CFAP20: variants seen among roughly 807,000 people sequenced by gnomAD.
CFAP20 encodes the protein cilia- and flagella-associated protein 20.
In CFAP20, 14 loss-of-function variants were observed where a neutral mutation model predicts 25.5. The ratio of observed to expected loss-of-function variants is 0.55; its 90% CI spans 0.36 to 0.86. CFAP20 has a LOEUF of 0.86. Ranked by LOEUF, CFAP20 falls within the 40% of genes least tolerant of loss-of-function variation. CFAP20 has a pLI of 0.01. For missense variants in CFAP20, 181 were observed against 248.0 expected (o/e 0.73, Z 1.81); for synonymous variants, 75 against 91.1 (o/e 0.82, Z 1.01).
chr16:58,116,152 G>T lies in CFAP20; in HGVS notation c.165C>A (p.Ser55Arg), dbSNP rs1483884511. 6.3e-7 allele frequency: 1 copy of T among 1,598,836 alleles called. No individual in the cohort carries two copies. Among genetic ancestry groups the T allele is most frequent in the Non-Finnish European group, 8.6e-7 (1 of 1,166,238 alleles). ...CTGCAGGGCATGTGATATATGTGGT[G>T]CTGTAGAGAGAGGAAATACTAATAA... ...LVLEIEGTNVSTTYITCPADP... is the reference protein window; with the variant it reads ...LVLEIEGTNVRTTYITCPADP... Residue 55 changes from serine to arginine, a missense_variant and splice_region_variant, in exon 3 of 6, where the codon AGC (serine) becomes AGA (arginine). Physicochemically the swap from Ser to Arg is moderately radical, Grantham distance 110. Transcript: ENST00000262498.
intron 1 of CFAP20, among the ~76,000 whole-genome samples, chr16:58,121,348 T>A (rs924048849): frequency 6.6e-6 from 1 of 152,200 alleles, no homozygotes; most frequent in Non-Finnish European, 1.5e-5. Flanking sequence ...GGGATGAAGA[T>A]AAAATGAACT....
At chr16:58,124,598 G>A (rs1014503410) in intron 1 of CFAP20, among the ~76,000 whole-genome samples, 4 of 152,160 alleles carry the variant, frequency 2.6e-5, no homozygotes, top group East Asian at 3.8e-4. Flanking sequence ...ATAATGGTAC[G>A]TATTTGTGTG....
At chr16:58,117,682 C>A (rs1233502183) in intron 1 of CFAP20, among the ~76,000 whole-genome samples, 1 of 152,172 alleles carries the variant, frequency 6.6e-6, no homozygotes, top group Admixed American at 6.5e-5. Flanking sequence ...ATCCACCTGC[C>A]TTGGCCTCCC....
At chr16:58,126,555 T>TA (rs1960614952) in intron 1 of CFAP20, among the ~76,000 whole-genome samples, 1 of 152,136 alleles carries the variant, frequency 6.6e-6, no homozygotes, top group Non-Finnish European at 1.5e-5. Flanking sequence ...TTTTCTGAAA[T>TA]AAAAATAACT....
At position 58,129,004 on chromosome 16, in the gene CFAP20, C is replaced by T. The variant is rs770061052; in HGVS notation, c.84+28G>A. The T allele has an allele frequency of 2.1e-5, 33 of 1,608,572 alleles. No individual in the cohort carries two copies. In the East Asian group the frequency reaches 7.4e-4, roughly 36 times the overall value. On this transcript the variant is annotated intron_variant, in intron 1 of 5. Coordinates refer to ENST00000262498, the MANE Select transcript of CFAP20 (RefSeq NM_013242.3). ...CGAGGAGGGGGTGCAGCCCCTCCAC[C>T]CCGCCCCGTCGCCGCCCCTAGCCCG...
At chr16:58,126,371 C>T (rs1360838215) in intron 1 of CFAP20, among the ~76,000 whole-genome samples, 2 of 152,262 alleles carry the variant, frequency 1.3e-5, no homozygotes, top group Admixed American at 6.5e-5. Flanking sequence ...CAAACACTAA[C>T]GAACAAGCCA....
In CFAP20 at chr16:58,124,100, A is replaced by G. The variant is rs2142369385; in HGVS notation, c.84+4932T>C. Among the ~76,000 whole-genome samples, 2 of 152,306 alleles carry G rather than the reference A, an allele frequency of 1.3e-5. 1 individual carries two copies. Among genetic ancestry groups the G allele is most frequent in the South Asian group, 4.2e-4 (2 of 4,816 alleles). On this transcript the variant is annotated intron_variant, in intron 1 of 5. Transcript: ENST00000262498. ...TCAATTCAGTAGGAGGCTACTACTAAGAGGGGGAACCGGGTGAAGTGAGTC... is the reference window on the plus strand; with the variant it reads ...TCAATTCAGTAGGAGGCTACTACTAGGAGGGGGAACCGGGTGAAGTGAGTC...
chr16:58,114,698 A>G (rs1180338749), intron 5 of CFAP20, 112 bp downstream of exon 5: 12 of 787,224 alleles, frequency 1.5e-5, no homozygotes, highest in Non-Finnish European at 2.5e-5. Context: ...AAGGCACCCC[A>G]AAGTGTCAAC....
intron 1 of CFAP20, among the ~76,000 whole-genome samples, chr16:58,125,699 T>C (rs971823821): frequency 3.3e-5 from 5 of 151,968 alleles, no homozygotes. Flanking sequence ...TAAAATACAA[T>C]AAAATAATGA....
intron 1 of CFAP20, among the ~76,000 whole-genome samples, chr16:58,120,458 G>A (rs1281782965): frequency 6.6e-6 from 1 of 152,144 alleles, no homozygotes; most frequent in African/African-American, 2.4e-5. Flanking sequence ...GATCTCACAG[G>A]GAGAAAATGT....
At chr16:58,121,336 T>G (rs1303897610) in intron 1 of CFAP20, among the ~76,000 whole-genome samples, 1 of 152,156 alleles carries the variant, frequency 6.6e-6, no homozygotes, top group Non-Finnish European at 1.5e-5. Context: ...AGGCGTGGCT[T>G]TGGGATGAAG....
Position 58,115,422 on chromosome 16 carries a change from C to T in CFAP20, c.312G>A (p.Arg104=), listed in dbSNP as rs185660863. ...LDDKNVRRRF[R]ASNYQSTTRV... is the part of the protein sequence containing the mutation. ...GGGTGGTGCTCTGGTAGTTACTTGCCCGAAAGCGACGACGCACATTCTTGT... is the reference window on the plus strand; with the variant it reads ...GGGTGGTGCTCTGGTAGTTACTTGCTCGAAAGCGACGACGCACATTCTTGT... The change falls in exon 4 of 6, where the codon CGG becomes CGA. Residue 104 remains arginine (R), a synonymous_variant. Transcript: ENST00000262498. 5.6e-6 allele frequency: 9 copies of T among 1,614,150 alleles called. No homozygotes were observed. Among genetic ancestry groups the T allele is most frequent in the Non-Finnish European group, 6.8e-6 (8 of 1,180,042 alleles).
chr16:58,114,722 G>T, intron 5 of CFAP20, 88 bp downstream of exon 5: 2 of 1,043,878 alleles, frequency 1.9e-6, no homozygotes, highest in Non-Finnish European at 1.5e-6. Context: ...GAGAGGCTCT[G>T]CAGCTGAATT....
chr16:58,116,841 T>C (rs1960464188), intron 2 of CFAP20, 31 bp downstream of exon 2: 2 of 1,586,728 alleles, frequency 1.3e-6, no homozygotes, highest in African/African-American at 1.3e-5. Context: ...TAGTATATGA[T>C]GTCTCTGGGA....
At chr16:58,129,006 CG>C in intron 1 of CFAP20, 25 bp downstream of exon 1, 1 of 1,608,998 alleles carries the variant, frequency 6.2e-7, no homozygotes, top group Non-Finnish European at 8.5e-7. Context: ...CCCTCCACCC[CG>C]CCCCGTCGCC....
At chr16:58,122,292 T>A (rs1016346444) in intron 1 of CFAP20, among the ~76,000 whole-genome samples, 1 of 152,200 alleles carries the variant, frequency 6.6e-6, no homozygotes, top group Non-Finnish European at 1.5e-5. Context: ...TTAAAACCCA[T>A]GTCTTCGGAC....
At chr16:58,118,773 G>A (rs564835931) in intron 1 of CFAP20, among the ~76,000 whole-genome samples, 173 of 152,280 alleles carry the variant, frequency 1.1e-3, no homozygotes, top group Non-Finnish European at 2.0e-3. Context: ...AGTGAGCCGT[G>A]ATTGTGCCAC....
In CFAP20 at chr16:58,114,168, G is replaced by A. The variant is rs577695126; in HGVS notation, c.577-138C>T. The A allele has an allele frequency of 3.8e-5, 35 of 926,448 alleles. No individual in the cohort carries two copies. The African/African-American group carries it at 5.5e-4, about 15-fold the overall frequency. 57.4% of individuals were successfully genotyped at this position (926,448 alleles called of 1,614,324 possible). ...ATGGACACACATCTGCAGCACACAG[G>A]CAGGGAAGCACCCACCCTTGTGTTA... On this transcript the variant is annotated intron_variant, in intron 5 of 5. Coordinates refer to ENST00000262498, the MANE Select transcript of CFAP20 (RefSeq NM_013242.3).
chr16:58,115,508 AC>A (rs1268894906), intron 3 of CFAP20, 51 bp from the exon 4 acceptor site: 1 of 1,589,678 alleles, frequency 6.3e-7, no homozygotes, highest in Admixed American at 1.8e-5. Context: ...TGGAAGAAGC[AC>A]ACAACCTTGT....
Sources: allele counts gnomAD v4.1 joint callset (sites outside exome capture counted in the v4.1 genomes callset), GRCh38; gene constraint gnomAD v4.1.1; transcripts MANE v1.5; gene names NCBI Gene and HGNC (gene_info 2026-07-23, HGNC 2026-07-21).